Variants in PFKM observed in about 807,000 individuals in gnomAD.
PFKM encodes ATP-dependent 6-phosphofructokinase, muscle type.
PFKM carries 58 observed loss-of-function variants against 95.5 expected under a neutral mutation model. The ratio of observed to expected loss-of-function variants is 0.61; its 90% CI spans 0.49 to 0.76. PFKM has a LOEUF of 0.76. PFKM is among the 30% of genes least tolerant of loss of function. The pLI, the probability that PFKM is intolerant of heterozygous loss-of-function variation, is 0.00. For missense variants in PFKM, 678 were observed against 1,005.4 expected (o/e 0.67, Z 4.40); for synonymous variants, 336 against 357.2 (o/e 0.94, Z 0.67).
chr12:48,134,691 C>T (rs2135914913), intron 7 of PFKM, 30 bp from the exon 8 acceptor site: 2 of 1,459,728 alleles, frequency 1.4e-6, no homozygotes, highest in Non-Finnish European at 1.9e-6. Flanking sequence ...AGTACAACTT[C>T]TAGCAGGATG....
chr12:48,145,089 T>A lies in PFKM; in HGVS notation c.2051T>A (p.Met684Lys). Residue 684 changes from methionine (M) to lysine (K), a missense_variant, in exon 21 of 23, where the codon ATG (methionine) becomes AAG (lysine). By Grantham distance (95) the Met-to-Lys change is moderately conservative. Coordinates refer to ENST00000359794, the MANE Select transcript of PFKM (RefSeq NM_000289.6). The surrounding 1 kb of genome is among the most constrained non-coding windows in gnomAD (Gnocchi z 4.3). ...NFATKMGAKAMNWMSGKIKES... is the reference protein window; with the variant it reads ...NFATKMGAKAKNWMSGKIKES... ...GCCACTAAGATGGGCGCCAAGGCTA[T>A]GAACTGGATGTCTGGGAAAATCAAA... The A allele has an allele frequency of 2.5e-6, 4 of 1,614,220 alleles. No homozygotes were observed. The highest frequency in any genetic ancestry group is 3.4e-6 in the Non-Finnish European group (4 of 1,180,006).
At chr12:48,106,006 C>A (rs1946549345) in exon 1 of PFKM, 1 of 700,796 alleles carries the variant, frequency 1.4e-6, no homozygotes, top group Admixed American at 2.0e-5. Context: ...CACCCCTCCC[C>A]CAGCTTCCCG....
At chr12:48,110,471 C>T (rs1947082614) in intron 3 of PFKM, among the ~76,000 whole-genome samples, 1 of 152,188 alleles carries the variant, frequency 6.6e-6, no homozygotes, top group African/African-American at 2.4e-5. Flanking sequence ...ATGCCACTGC[C>T]TTGCTCCATT....
intron 1 of PFKM, among the ~76,000 whole-genome samples, chr12:48,121,846 G>A (rs1399648591): frequency 6.6e-6 from 1 of 152,098 alleles, no homozygotes; most frequent in East Asian, 1.9e-4. Flanking sequence ...GAATCTGAGA[G>A]GAAGGGAGGA....
Position 48,135,007 on chromosome 12 carries a change from G to A in PFKM, c.812G>A (p.Gly271Glu). 2 of 1,613,836 alleles carry A rather than the reference G, an allele frequency of 1.2e-6. No homozygotes were observed. The highest frequency in any genetic ancestry group is 1.7e-6 in the Non-Finnish European group (2 of 1,179,806). Residue 271 changes from glycine to glutamate, a missense_variant, in exon 9 of 23, where the codon GGA becomes GAA. Gly to Glu is a moderately conservative substitution (Grantham distance 98). Coordinates refer to ENST00000359794, the MANE Select transcript of PFKM (RefSeq NM_000289.6). The stretch of plus-strand genomic sequence containing the variant: ...GCTGAGGGTGCAATTGACAAGAATG[G>A]AAAACCAATCACCTCAGAAGACATC... ...IVAEGAIDKN[G>E]KPITSEDIKN...
chr12:48,110,624 C>A (rs1289992326), intron 3 of PFKM, among the ~76,000 whole-genome samples: 1 of 152,190 alleles, frequency 6.6e-6, no homozygotes, highest in Non-Finnish European at 1.5e-5. Flanking sequence ...CTTCTGCCAG[C>A]CCAAGAAATT....
rs1948422341 is a variant in PFKM, at chr12:48,122,845, G to C, written c.71G>C (p.Gly24Ala). The C allele has an allele frequency of 6.2e-7, 1 of 1,614,068 alleles. No individual in the cohort carries two copies. The highest frequency in any genetic ancestry group is 8.5e-7 in the Non-Finnish European group (1 of 1,179,934). ...IGKAIAVLTS[G>A]GDAQGMNAAV... ...AAAGCCATTGCTGTCTTAACCTCTG[G>C]TGGAGATGCCCAAGGTAAGGAGGAG... Residue 24 changes from glycine (G) to alanine (A), a missense_variant, in exon 2 of 23, where the codon GGT becomes GCT. Physicochemically the swap from Gly to Ala is moderately conservative, Grantham distance 60. Coordinates refer to ENST00000359794, the MANE Select transcript of PFKM (RefSeq NM_000289.6).
rs75650121 is a variant in PFKM at position 48,130,309 on chromosome 12, G to T, written c.86-54G>T. 4.9e-3 allele frequency: 5,459 copies of T among 1,109,670 alleles called. 174 individuals carry two copies. In the African/African-American group the frequency reaches 0.069, roughly 14 times the overall value. The allele number at this position is 1,109,670 out of a possible 1,614,324, so 68.7% of individuals were successfully genotyped here. A position where few individuals can be genotyped will look rare whatever the true frequency, so the allele number is the denominator to read the frequency against. ...CAAATGTAATATCTCTGGATTCCAG[G>T]GCGCCTTTTCTTAGGAGCAACCTCT... On this transcript the variant is annotated intron_variant, in intron 2 of 22. Transcript: ENST00000359794.
intron 14 of PFKM, 140 bp from the exon 15 acceptor site, chr12:48,141,171 G>T: frequency 1.2e-6 from 1 of 812,624 alleles, no homozygotes. Flanking sequence ...TGAGTGCGTG[G>T]GGAAAAGCTA....
chr12:48,136,049 G>A (rs1287813430), intron 10 of PFKM, among the ~76,000 whole-genome samples: 3 of 151,954 alleles, frequency 2.0e-5, no homozygotes, highest in Non-Finnish European at 4.4e-5. Context: ...GACCACGCCC[G>A]GCTAATATTT....
chr12:48,105,858 G>T (rs950944034), upstream of PFKM: 2 of 603,496 alleles, frequency 3.3e-6, no homozygotes, highest in Admixed American at 3.0e-5. Flanking sequence ...CGGACAGCAG[G>T]GGGGAGGGGA....
At chr12:48,118,377 T>C, upstream of PFKM, 1 of 662,698 alleles carries the variant, frequency 1.5e-6, no homozygotes. Flanking sequence ...GTGGGTTGTC[T>C]TTCCACTTTC....
intron 11 of PFKM, among the ~76,000 whole-genome samples, chr12:48,138,276 T>G (rs1303909794): frequency 1.3e-5 from 2 of 152,248 alleles, no homozygotes; most frequent in African/African-American, 2.4e-5. Context: ...AGGTTACTAA[T>G]GCTAACGTTG....
intron 4 of PFKM, 128 bp downstream of exon 4, chr12:48,131,521 G>A (rs564159470): frequency 2.6e-4 from 199 of 755,544 alleles, no homozygotes; most frequent in Middle Eastern, 7.0e-4. Flanking sequence ...TGACAAGAGA[G>A]GGACCCTATT....
intron 3 of PFKM, among the ~76,000 whole-genome samples, chr12:48,114,056 A>G (rs1044494025): frequency 6.6e-6 from 1 of 152,100 alleles, no homozygotes; most frequent in South Asian, 2.1e-4. Context: ...TCGCCTAGCT[A>G]TATCTGGGGA....
chr12:48,108,261 A>T, intron 3 of PFKM: 1 of 1,488,990 alleles, frequency 6.7e-7, no homozygotes, highest in Non-Finnish European at 9.1e-7. Context: ...TTGTATGCAT[A>T]GTATTATAAA....
chr12:48,135,094 C>A, intron 9 of PFKM, 56 bp downstream of exon 9: 1 of 1,358,756 alleles, frequency 7.4e-7, no homozygotes, highest in Non-Finnish European at 1.1e-6. Flanking sequence ...TCCCTTCTGG[C>A]TTCTGAGTCT....
rs971901509 is a variant in PFKM at position 48,134,631 on chromosome 12, A to G, written c.639-90A>G. On this transcript the variant is annotated intron_variant, in intron 7 of 22. Coordinates refer to ENST00000359794, the MANE Select transcript of PFKM (RefSeq NM_000289.6). ...ATGGAGGCTCTCCAGACCTTTTATC[A>G]ACTATGAGGACTAGGAGAACTTGTT... 1.0e-5 allele frequency: 10 copies of G among 982,044 alleles called. No homozygotes were observed. The Admixed American group carries it at 1.9e-4, about 19-fold the overall frequency. 60.8% of individuals were successfully genotyped at this position (982,044 alleles called of 1,614,324 possible).
intron 3 of PFKM, among the ~76,000 whole-genome samples, chr12:48,113,492 G>C (rs1315600886): frequency 6.6e-6 from 1 of 152,224 alleles, no homozygotes; most frequent in Admixed American, 6.5e-5. Flanking sequence ...GAGTTGGACA[G>C]TCCGATTTCC....
Sources: gnomAD v4.1 joint callset for allele counts (sites outside exome capture counted in the v4.1 genomes callset) on GRCh38, gnomAD v4.1.1 for gene constraint, Gnocchi (gnomAD v3.1) non-coding constraint, MANE v1.5 for transcripts, NCBI Gene and HGNC (gene_info 2026-07-23, HGNC 2026-07-21) for gene names.